Variants in NXPE2 observed in about 807,000 individuals in gnomAD.
NXPE2 encodes the protein NXPE family member 2.
In NXPE2, 34 loss-of-function variants were observed where a neutral mutation model predicts 34.4. The observed-to-expected ratio is 0.99, with a 90% CI of 0.75 to 1.31. NXPE2 has a LOEUF of 1.31. Ranked by LOEUF, NXPE2 falls within the 40% of genes most tolerant of loss-of-function variation. The pLI is 0.00. For missense variants in NXPE2, 649 were observed against 672.5 expected (o/e 0.97, Z 0.39); for synonymous variants, 235 against 231.3 (o/e 1.02, Z -0.15).
chr11:114,575,720 C>T, the NXPE2 span, among the ~76,000 whole-genome samples: 17 of 152,074 alleles, frequency 1.1e-4, no homozygotes, highest in African/African-American at 3.9e-4. Flanking sequence ...TAAATGGAAA[C>T]ACATCACATG....
the NXPE2 span, among the ~76,000 whole-genome samples, chr11:114,754,200 G>C: frequency 1.3e-5 from 2 of 152,044 alleles, no homozygotes; most frequent in African/African-American, 4.8e-5. Context: ...GTGTTTGGTG[G>C]GTTTGGGTGA....
At chr11:114,750,642 T>A in the NXPE2 span, among the ~76,000 whole-genome samples, 1 of 152,200 alleles carries the variant, frequency 6.6e-6, no homozygotes. Flanking sequence ...AAACAAACAC[T>A]CCAACATTAT....
chr11:114,797,943 T>C, the NXPE2 span, among the ~76,000 whole-genome samples: 4 of 152,134 alleles, frequency 2.6e-5, no homozygotes, highest in African/African-American at 9.7e-5. Context: ...CTCTTTGATG[T>C]CTGAAACAGC....
At chr11:114,573,837 A>G in the NXPE2 span, among the ~76,000 whole-genome samples, 4 of 152,094 alleles carry the variant, frequency 2.6e-5, no homozygotes, top group African/African-American at 9.6e-5. Context: ...TAATGGACTT[A>G]AACTATACCC....
chr11:114,661,385 G>C, the NXPE2 span, among the ~76,000 whole-genome samples: 2 of 152,266 alleles, frequency 1.3e-5, no homozygotes, highest in East Asian at 3.9e-4. Context: ...CCACAAGTCA[G>C]GCAAAGCAAC....
At chr11:114,651,849 C>G in the NXPE2 span, among the ~76,000 whole-genome samples, 2 of 152,160 alleles carry the variant, frequency 1.3e-5, no homozygotes, top group African/African-American at 4.8e-5. Context: ...GAAAAGTTCT[C>G]CAAGTCCCCA....
the NXPE2 span, among the ~76,000 whole-genome samples, chr11:114,557,868 C>A: frequency 1.3e-4 from 20 of 151,766 alleles, no homozygotes; most frequent in Admixed American, 5.9e-4. Context: ...TTGAGGGTTT[C>A]TTTTGCGGGC....
At chr11:114,545,559 T>C in the NXPE2 span, among the ~76,000 whole-genome samples, 1 of 152,154 alleles carries the variant, frequency 6.6e-6, no homozygotes, top group Non-Finnish European at 1.5e-5. Context: ...GCCAGAGATT[T>C]GGGGAGGGGA....
the NXPE2 span, among the ~76,000 whole-genome samples, chr11:114,497,553 A>C: frequency 6.6e-6 from 1 of 152,240 alleles, no homozygotes; most frequent in Non-Finnish European, 1.5e-5. Flanking sequence ...AGTTGCCTAC[A>C]GTATTCAATA....
the NXPE2 span, among the ~76,000 whole-genome samples, chr11:114,483,541 C>T: frequency 0.016 from 2,396 of 152,322 alleles, 66 homozygotes; most frequent in African/African-American, 0.055. Flanking sequence ...CACATGGTCG[C>T]TGTTCTTAGG....
At chr11:114,619,499 G>C in the NXPE2 span, among the ~76,000 whole-genome samples, 14 of 151,924 alleles carry the variant, frequency 9.2e-5, no homozygotes, top group African/African-American at 3.4e-4. Flanking sequence ...GATAAGTGTT[G>C]CCTCGTGGGT....
chr11:114,626,710 C>T, the NXPE2 span, among the ~76,000 whole-genome samples: 1 of 152,150 alleles, frequency 6.6e-6, no homozygotes, highest in Non-Finnish European at 1.5e-5. Context: ...TTCAGACAAT[C>T]AAATTATTCC....
At chr11:114,547,719 A>G in the NXPE2 span, among the ~76,000 whole-genome samples, 1 of 152,302 alleles carries the variant, frequency 6.6e-6, no homozygotes, top group South Asian at 2.1e-4. Context: ...TGGGTGTCAG[A>G]GCAAGACTCT....
chr11:114,676,099 A>G (rs77040347), upstream of NXPE2, among the ~76,000 whole-genome samples: 2,167 of 152,080 alleles, frequency 0.014, 42 homozygotes, highest in African/African-American at 0.05. Context: ...AAAAAATCCA[A>G]CTGAAAATGG....
the NXPE2 span, among the ~76,000 whole-genome samples, chr11:114,638,837 T>A: frequency 6.6e-6 from 1 of 151,910 alleles, no homozygotes; most frequent in Non-Finnish European, 1.5e-5. Flanking sequence ...TTTGTCTCAG[T>A]GGAGTACCCA....
chr11:114,537,649 A>G, the NXPE2 span, among the ~76,000 whole-genome samples: 1 of 152,182 alleles, frequency 6.6e-6, no homozygotes, highest in Non-Finnish European at 1.5e-5. Flanking sequence ...AGACAAACAG[A>G]GAGCCAAATC....
the NXPE2 span, among the ~76,000 whole-genome samples, chr11:114,726,905 C>T: frequency 1.3e-5 from 2 of 152,102 alleles, no homozygotes; most frequent in Admixed American, 6.6e-5. Context: ...TCAGAATGAC[C>T]TTTACCATCC....
the NXPE2 span, among the ~76,000 whole-genome samples, chr11:114,751,014 T>C: frequency 2.0e-5 from 3 of 152,138 alleles, no homozygotes; most frequent in Non-Finnish European, 4.4e-5. Context: ...AGGTCCTGTT[T>C]TGCATAGTCA....
chr11:114,643,607 T>C, the NXPE2 span, among the ~76,000 whole-genome samples: 1 of 152,064 alleles, frequency 6.6e-6, no homozygotes, highest in Non-Finnish European at 1.5e-5. Flanking sequence ...TTCTGTTCCA[T>C]TGGTCTATAT....
Sources: gnomAD v4.1 joint callset for allele counts (sites outside exome capture counted in the v4.1 genomes callset) on GRCh38, gnomAD v4.1.1 for gene constraint, MANE v1.5 for transcripts, NCBI Gene and HGNC (gene_info 2026-07-23, HGNC 2026-07-21) for gene names.